Variants in NDNF observed in about 807,000 individuals in gnomAD.
The protein encoded by NDNF is neuron derived neurotrophic factor.
Under a neutral mutation model 42.0 loss-of-function variants are expected in NDNF, and 16 were observed. The observed-to-expected ratio is 0.38, with a 90% CI of 0.26 to 0.58. NDNF has a LOEUF of 0.58. NDNF is among the 20% of genes least tolerant of loss of function. The pLI is 0.67. For missense variants in NDNF, 616 were observed against 666.2 expected (o/e 0.92, Z 0.83); for synonymous variants, 248 against 251.7 (o/e 0.99, Z 0.14).
rs1157539873 is a variant in NDNF at position 121,036,765 on chromosome 4, T to C, written c.1206A>G (p.Glu402=). The C allele has an allele frequency of 1.9e-6, 3 of 1,614,042 alleles. No homozygotes were observed. In the African/African-American group the frequency reaches 4.0e-5, roughly 22 times the overall value. The stretch of plus-strand genomic sequence containing the variant: ...CTCTAAGCTGAAACTGCTGAATGCC[T>C]TCCACATTCTGAGACAGAAGAAGTT... The part of the protein sequence containing the change: ...DGKLLLSQNV[E]GIQQFQLRGK... The change falls in exon 4 of 4, where the codon GAA becomes GAG. Residue 402 remains glutamate (E), a synonymous_variant. Coordinates refer to ENST00000379692, the MANE Select transcript of NDNF (RefSeq NM_024574.4).
chr4:121,058,880 A>AC (rs1727348393), intron 1 of NDNF, among the ~76,000 whole-genome samples: 1 of 151,844 alleles, frequency 6.6e-6, no homozygotes, highest in Non-Finnish European at 1.5e-5. Context: ...CTCTTCGAAA[A>AC]AATTAAAAGT....
At position 121,046,253 on chromosome 4, in the gene NDNF, G is replaced by T. The variant is rs146960746; in HGVS notation, c.-1-415C>A. On this transcript the variant is annotated intron_variant, in intron 1 of 3. Coordinates refer to ENST00000379692, the MANE Select transcript of NDNF (RefSeq NM_024574.4). ...ATTATAAAAGTTATACCAATGGTTG[G>T]TTGGTATCATTGCTCAGCAGTCAAG... Among the ~76,000 whole-genome samples, 196 of 152,274 alleles carry T rather than the reference G, an allele frequency of 1.3e-3. 1 individual carries two copies. Among genetic ancestry groups the T allele is most frequent in the African/African-American group, 4.5e-3 (185 of 41,550 alleles).
At chr4:121,038,420 A>C (rs961951701) in intron 3 of NDNF, among the ~76,000 whole-genome samples, 1 of 152,068 alleles carries the variant, frequency 6.6e-6, no homozygotes, top group African/African-American at 2.4e-5. Flanking sequence ...ATAAAAAAAG[A>C]ATGCTTAAGG....
chr4:121,060,828 T>C (rs1216843063), intron 1 of NDNF, among the ~76,000 whole-genome samples: 1 of 152,212 alleles, frequency 6.6e-6, no homozygotes. Flanking sequence ...AGCAGTTCTT[T>C]TGATGGGTCA....
chr4:121,041,326 G>T (rs1242717888), intron 2 of NDNF, among the ~76,000 whole-genome samples: 1 of 152,148 alleles, frequency 6.6e-6, no homozygotes, highest in African/African-American at 2.4e-5. Context: ...AGAAAAGCAG[G>T]CTTTGCCTCC....
rs569453077 is a variant in NDNF, at chr4:121,039,584, A to T, written c.313+346T>A. 2.0e-5 allele frequency among the ~76,000 whole-genome samples: 3 copies of T among 152,114 alleles called. No individual in the cohort carries two copies. In the South Asian group the frequency reaches 6.2e-4, roughly 32 times the overall value. ...TTGGACCTCACCCCATTCCAATCAA[A>T]TCAGACCTTTGCAAGATCTAGGCAT... On this transcript the variant is annotated intron_variant, in intron 3 of 3. Coordinates refer to ENST00000379692, the MANE Select transcript of NDNF (RefSeq NM_024574.4).
chr4:121,049,074 G>C (rs1421180754), intron 1 of NDNF, among the ~76,000 whole-genome samples: 1 of 152,058 alleles, frequency 6.6e-6, no homozygotes. Flanking sequence ...ATTTATTATA[G>C]GTGGCTTAAA....
At chr4:121,040,534 A>G (rs541951669) in intron 2 of NDNF, among the ~76,000 whole-genome samples, 6 of 152,232 alleles carry the variant, frequency 3.9e-5, no homozygotes, top group Non-Finnish European at 8.8e-5. Context: ...TTTCAAAAGA[A>G]CATTTTCACA....
At chr4:121,049,461 G>T (rs534899456) in intron 1 of NDNF, among the ~76,000 whole-genome samples, 17 of 152,262 alleles carry the variant, frequency 1.1e-4, no homozygotes, top group Non-Finnish European at 2.4e-4. Context: ...TGGGGGTCAG[G>T]GAGCCAGTGG....
intron 2 of NDNF, among the ~76,000 whole-genome samples, chr4:121,043,376 C>CAT (rs1727035971): frequency 1.3e-5 from 2 of 152,134 alleles, no homozygotes; most frequent in Non-Finnish European, 2.9e-5. Context: ...GTGTGCTTAT[C>CAT]ATTACATATT....
At chr4:121,067,502 T>C (rs1727520554) in intron 1 of NDNF, among the ~76,000 whole-genome samples, 1 of 152,210 alleles carries the variant, frequency 6.6e-6, no homozygotes, top group African/African-American at 2.4e-5. Flanking sequence ...TGATGACATA[T>C]ATCTTGAAAG....
At chr4:121,050,953 T>C (rs992770041) in intron 1 of NDNF, among the ~76,000 whole-genome samples, 3 of 152,120 alleles carry the variant, frequency 2.0e-5, no homozygotes, top group African/African-American at 7.2e-5. Context: ...AAGGTAGAGA[T>C]GGGTTTGGAT....
chr4:121,070,591 G>A (rs1004216564), intron 1 of NDNF, among the ~76,000 whole-genome samples: 25 of 152,126 alleles, frequency 1.6e-4, no homozygotes, highest in Admixed American at 1.4e-3. Context: ...AGGGGGGAAA[G>A]AGAGGGTAGT....
chr4:121,068,852 G>C (rs1727543326), intron 1 of NDNF, among the ~76,000 whole-genome samples: 1 of 152,148 alleles, frequency 6.6e-6, no homozygotes, highest in South Asian at 2.1e-4. Flanking sequence ...GCTCTCGGTT[G>C]ATTCAGTCAT....
At chr4:121,047,389 A>G (rs1727112384) in intron 1 of NDNF, among the ~76,000 whole-genome samples, 1 of 152,202 alleles carries the variant, frequency 6.6e-6, no homozygotes, top group South Asian at 2.1e-4. Flanking sequence ...TTGCATTACT[A>G]CTTTTAGTCC....
intron 1 of NDNF, among the ~76,000 whole-genome samples, chr4:121,046,581 G>A (rs1727097347): frequency 1.3e-5 from 2 of 152,152 alleles, no homozygotes; most frequent in African/African-American, 2.4e-5. Flanking sequence ...TCAACACAAC[G>A]TTGACATATA....
At chr4:121,044,568 G>T (rs1018819880) in intron 2 of NDNF, among the ~76,000 whole-genome samples, 8 of 151,560 alleles carry the variant, frequency 5.3e-5, no homozygotes, top group Non-Finnish European at 1.2e-4. Context: ...AGCCCAATTT[G>T]TTGATGTTGG....
chr4:121,045,338 C>T (rs1180608577), intron 2 of NDNF, among the ~76,000 whole-genome samples: 3 of 148,020 alleles, frequency 2.0e-5, no homozygotes, highest in Admixed American at 6.9e-5. Context: ...GGCAACAGAG[C>T]GAGACTCCGT....
At chr4:121,064,756 G>A (rs1286551902) in intron 1 of NDNF, among the ~76,000 whole-genome samples, 2 of 152,084 alleles carry the variant, frequency 1.3e-5, no homozygotes, top group Non-Finnish European at 2.9e-5. Flanking sequence ...TTGTGTGGGT[G>A]TGTCTGAATA....
Sources: allele counts gnomAD v4.1 joint callset (sites outside exome capture counted in the v4.1 genomes callset), GRCh38; gene constraint gnomAD v4.1.1; transcripts MANE v1.5; gene names NCBI Gene and HGNC (gene_info 2026-07-23, HGNC 2026-07-21).